The following NCAM2 variants were observed in gnomAD, a reference collection of about 807,000 sequenced individuals.
The protein encoded by NCAM2 is neural cell adhesion molecule 2, also known as N-CAM-2.
A neutral mutation model predicts 98.1 loss-of-function variants in NCAM2; 30 were observed. The observed-to-expected ratio is 0.31, with a 90% confidence interval of 0.23 to 0.41. The LOEUF is 0.41. Ranked by LOEUF, NCAM2 falls within the 10% of genes least tolerant of loss-of-function variation. NCAM2 has a pLI of 1.00. For synonymous variants in NCAM2, 368 were observed against 342.4 expected (o/e 1.07, Z -0.83); for missense variants, 867 against 1,005.8 (o/e 0.86, Z 1.87).
intron 1 of NCAM2, among the ~76,000 whole-genome samples, chr21:21,048,201 G>C (rs188647304): frequency 6.6e-6 from 1 of 152,186 alleles, no homozygotes; most frequent in East Asian, 1.9e-4. Context: ...ATAAAACTTG[G>C]TCTCCACAAT....
At chr21:21,241,614 C>G (rs919367311) in intron 1 of NCAM2, among the ~76,000 whole-genome samples, 3 of 152,008 alleles carry the variant, frequency 2.0e-5, no homozygotes, top group Non-Finnish European at 4.4e-5. Context: ...GGCAAGCAGT[C>G]TAGGAAACCT....
At chr21:21,008,372 A>G (rs1456853279) in intron 1 of NCAM2, among the ~76,000 whole-genome samples, 1 of 152,182 alleles carries the variant, frequency 6.6e-6, no homozygotes, top group Non-Finnish European at 1.5e-5. Flanking sequence ...TACTATGGTA[A>G]TATTTTTGAA....
intron 1 of NCAM2, among the ~76,000 whole-genome samples, chr21:21,080,556 T>C (rs766708869): frequency 3.4e-5 from 5 of 145,966 alleles, no homozygotes; most frequent in Admixed American, 7.3e-5. Context: ...GTGGAGGTTG[T>C]AGTGAGCTGA....
chr21:21,518,645 T>A (rs1044326601), intron 16 of NCAM2, among the ~76,000 whole-genome samples: 35 of 151,420 alleles, frequency 2.3e-4, no homozygotes, highest in African/African-American at 8.2e-4. Flanking sequence ...ATATACTATA[T>A]ATTATGCTAT....
At chr21:21,411,281 C>A (rs1449208872) in intron 10 of NCAM2, among the ~76,000 whole-genome samples, 2 of 145,570 alleles carry the variant, frequency 1.4e-5, no homozygotes, top group Non-Finnish European at 3.0e-5. Context: ...TTATTGAGGG[C>A]TAAAAATTTG....
At chr21:21,496,494 C>A (rs991020236) in intron 15 of NCAM2, among the ~76,000 whole-genome samples, 1 of 151,922 alleles carries the variant, frequency 6.6e-6, no homozygotes, top group Non-Finnish European at 1.5e-5. Flanking sequence ...TTAAGTTCCC[C>A]ATAGATTCTG....
intron 11 of NCAM2, among the ~76,000 whole-genome samples, chr21:21,427,949 C>T (rs897913923): frequency 6.6e-6 from 1 of 152,106 alleles, no homozygotes; most frequent in African/African-American, 2.4e-5. Flanking sequence ...TTGATATTTC[C>T]AACAACACTC....
intron 15 of NCAM2, among the ~76,000 whole-genome samples, chr21:21,498,371 CT>C (rs1266924492): frequency 6.6e-6 from 1 of 151,958 alleles, no homozygotes; most frequent in Non-Finnish European, 1.5e-5. Flanking sequence ...GATAACAATG[CT>C]TTTTTCACAG....
At chr21:21,330,386 A>G (rs2074639211) in intron 6 of NCAM2, among the ~76,000 whole-genome samples, 1 of 151,960 alleles carries the variant, frequency 6.6e-6, no homozygotes, top group African/African-American at 2.4e-5. Context: ...GTTATTTTTA[A>G]TACTATTCAT....
At chr21:21,230,336 AGGT>A (rs2070571963) in intron 1 of NCAM2, among the ~76,000 whole-genome samples, 1 of 151,204 alleles carries the variant, frequency 6.6e-6, no homozygotes. Flanking sequence ...TGATGATAAA[AGGT>A]GATTTCGGAT....
At position 21,415,991 on chromosome 21, in the gene NCAM2, A is replaced by G. The variant is rs367918108; in HGVS notation, c.1384-2482A>G. 1.4e-4 allele frequency among the ~76,000 whole-genome samples: 22 copies of G among 152,216 alleles called. 1 individual carries two copies. The East Asian group carries it at 3.7e-3, about 25-fold the overall frequency. ...GATTTTTTTCAGGAACTCTCTCTTC[A>G]CATTTACCACTTGGCTGTTTGTTGC... On this transcript the variant is annotated intron_variant, in intron 10 of 17. Transcript: ENST00000400546.
intron 1 of NCAM2, among the ~76,000 whole-genome samples, chr21:21,064,001 T>A (rs1265061336): frequency 6.6e-6 from 1 of 152,172 alleles, no homozygotes; most frequent in Non-Finnish European, 1.5e-5. Flanking sequence ...GGAAGTGGCT[T>A]GTTGTCTTAG....
intron 12 of NCAM2, among the ~76,000 whole-genome samples, chr21:21,439,620 GA>G (rs1397922614): frequency 6.6e-6 from 1 of 152,064 alleles, no homozygotes; most frequent in East Asian, 1.9e-4. Flanking sequence ...TGATAGGTCA[GA>G]AAACTAATTT....
intron 12 of NCAM2, among the ~76,000 whole-genome samples, chr21:21,460,800 A>G (rs976237529): frequency 1.3e-5 from 2 of 151,934 alleles, no homozygotes; most frequent in African/African-American, 4.8e-5. Flanking sequence ...GGTGTGATCA[A>G]TAACTGAGAA....
intron 8 of NCAM2, 97 bp from the exon 9 acceptor site, chr21:21,373,766 C>A: frequency 9.3e-7 from 1 of 1,075,026 alleles, no homozygotes; most frequent in Non-Finnish European, 1.3e-6. Flanking sequence ...TTCTTTTTGC[C>A]AGAGAAACAT....
At chr21:21,194,693 A>G (rs1197950876) in intron 1 of NCAM2, among the ~76,000 whole-genome samples, 1 of 152,100 alleles carries the variant, frequency 6.6e-6, no homozygotes, top group Non-Finnish European at 1.5e-5. Flanking sequence ...TTTATTTTGT[A>G]TTTTTAAATT....
intron 6 of NCAM2, 122 bp downstream of exon 6, chr21:21,324,622 A>G (rs1568934569): frequency 2.8e-6 from 2 of 715,876 alleles, no homozygotes; most frequent in South Asian, 2.1e-5. Flanking sequence ...TTAAAAAAAA[A>G]TCCTGGTGCT....
intron 16 of NCAM2, among the ~76,000 whole-genome samples, chr21:21,522,632 C>CTTTTTTTTTTTTTTTTTT: frequency 8.0e-6 from 1 of 124,748 alleles, no homozygotes; most frequent in East Asian, 2.4e-4. Flanking sequence ...TTTTCTTTTT[C>CTTTTTTTTTTTTTTTTTT]TTTTTTTTTT....
At chr21:21,186,902 G>A (rs545907726) in intron 1 of NCAM2, among the ~76,000 whole-genome samples, 2 of 152,158 alleles carry the variant, frequency 1.3e-5, no homozygotes, top group South Asian at 2.1e-4. Flanking sequence ...ATAAAATTTG[G>A]AAAGGGAAAC....
Sources: gnomAD v4.1 joint callset for allele counts (sites outside exome capture counted in the v4.1 genomes callset) on GRCh38, gnomAD v4.1.1 for gene constraint, MANE v1.5 for transcripts, NCBI Gene and HGNC (gene_info 2026-07-23, HGNC 2026-07-21) for gene names.